The following DNAH7 variants were observed in gnomAD, a reference collection of about 807,000 sequenced individuals.
The protein encoded by DNAH7 is dynein axonemal heavy chain 7.
A neutral mutation model predicts 444.6 loss-of-function variants in DNAH7; 397 were observed. The observed-to-expected ratio is 0.89, with a 90% CI of 0.82 to 0.97. The LOEUF (loss-of-function observed/expected upper bound fraction) is 0.97, where lower values mean the gene tolerates loss of function less well. DNAH7 is among the 50% of genes least tolerant of loss of function. The probability of loss-of-function intolerance (pLI) is 0.00; values close to 1 mark genes in which losing one functional copy is unlikely to be tolerated. For synonymous variants in DNAH7, 1,636 were observed against 1,624.4 expected (o/e 1.01, Z -0.17); for missense variants, 4,902 against 4,800.8 (o/e 1.02, Z -0.62).
intron 57 of DNAH7, among the ~76,000 whole-genome samples, chr2:195,793,297 G>C (rs1434780528): frequency 6.6e-6 from 1 of 152,166 alleles, no homozygotes; most frequent in Non-Finnish European, 1.5e-5. Context: ...CAAATAAAAA[G>C]TTAAAACAAA....
chr2:195,960,518 T>C lies in DNAH7; in HGVS notation c.2633A>G (p.Asp878Gly). ...GTCTATATATGGTTCCAGATTCATG[T>C]CTAAAAAAGAGGAGACTGTGGAGTC... ...SDDSTVSSFL[D>G]MNLEPYIDRF... The change falls in exon 18 of 65, where the codon GAC (aspartate) becomes GGC (glycine). Residue 878 changes from aspartate (D) to glycine (G), a missense_variant. Coordinates refer to ENST00000312428, the MANE Select transcript of DNAH7 (RefSeq NM_018897.3). The C allele has an allele frequency of 6.2e-7, 1 of 1,614,196 alleles. No homozygotes were observed. The highest frequency in any genetic ancestry group is 1.1e-5 in the South Asian group (1 of 91,080).
chr2:196,008,452 T>A (rs1256972875), intron 10 of DNAH7, among the ~76,000 whole-genome samples: 1 of 152,280 alleles, frequency 6.6e-6, no homozygotes, highest in African/African-American at 2.4e-5. Flanking sequence ...AACTTAAAAA[T>A]ATATTTATGC....
Position 195,876,664 on chromosome 2 carries a change from G to A in DNAH7, c.5997C>T (p.Tyr1999=). 1 of 1,605,304 alleles carries A rather than the reference G, an allele frequency of 6.2e-7. No homozygotes were observed. Among genetic ancestry groups the A allele is most frequent in the Non-Finnish European group, 8.5e-7 (1 of 1,172,980 alleles). ...FLLNQLNKEI[Y]KPLLINFSAQ... ...CTGAGAAGTTAATTAGCAGAGGTTT[G>A]TAGATTTCCTTATTTAGTTGATTTA... is the stretch of plus-strand genomic sequence containing the variant. Residue 1999 remains tyrosine (Y), a synonymous_variant, in exon 37 of 65, where the codon TAC becomes TAT. Coordinates refer to ENST00000312428, the MANE Select transcript of DNAH7 (RefSeq NM_018897.3).
chr2:195,949,395 T>G (rs1690058956), intron 19 of DNAH7, among the ~76,000 whole-genome samples: 1 of 152,144 alleles, frequency 6.6e-6, no homozygotes, highest in Admixed American at 6.5e-5. Flanking sequence ...GCAATTCTCC[T>G]GTCTTCGCTT....
In DNAH7 at chr2:195,875,718, A is replaced by C; in HGVS notation, c.6243T>G (p.Ile2081Met). The C allele has an allele frequency of 3.7e-6, 6 of 1,610,100 alleles. No individual in the cohort carries two copies. The highest frequency in any genetic ancestry group is 5.1e-6 in the Non-Finnish European group (6 of 1,178,694). ...NWYDLKDCSM[I>M]KLVDIQIMCA... is the part of the protein sequence containing the mutation. The stretch of plus-strand genomic sequence containing the variant: ...ACATGATCTGAATGTCCACTAGTTT[A>C]ATCATGGAACAATCTTTTAGATCAT... The change falls in exon 38 of 65, where the codon ATT (isoleucine) becomes ATG (methionine). Residue 2081 changes from isoleucine (I) to methionine (M), a missense_variant. Transcript: ENST00000312428.
At chr2:195,987,027 C>T in intron 14 of DNAH7, 39 bp downstream of exon 14, 2 of 1,525,206 alleles carry the variant, frequency 1.3e-6, no homozygotes. Context: ...ATTAAACATC[C>T]CCTCCCAAAA....
chr2:196,044,242 CAT>C (rs1227810157), intron 5 of DNAH7, among the ~76,000 whole-genome samples: 1 of 151,162 alleles, frequency 6.6e-6, no homozygotes. Context: ...TACACACACA[CAT>C]ACACCATGGA....
intron 38 of DNAH7, among the ~76,000 whole-genome samples, chr2:195,874,802 C>T (rs1700947912): frequency 6.6e-6 from 1 of 152,012 alleles, no homozygotes; most frequent in African/African-American, 2.4e-5. Flanking sequence ...ACCTAAGCAA[C>T]AGAGTGAGAC....
intron 12 of DNAH7, chr2:195,994,500 G>A: frequency 2.0e-6 from 1 of 491,182 alleles, no homozygotes; most frequent in Non-Finnish European, 4.0e-6. Flanking sequence ...TGTGTTGGTT[G>A]AATCCAAGTC....
chr2:195,741,570 G>A (rs1353159746), intron 63 of DNAH7, among the ~76,000 whole-genome samples: 3 of 152,192 alleles, frequency 2.0e-5, no homozygotes, highest in Non-Finnish European at 4.4e-5. Flanking sequence ...GTAGACTTTG[G>A]GAAGACCAAA....
intron 40 of DNAH7, among the ~76,000 whole-genome samples, chr2:195,869,537 A>G (rs1197376177): frequency 6.6e-6 from 1 of 152,174 alleles, no homozygotes; most frequent in East Asian, 1.9e-4. Flanking sequence ...AGGACAGGAT[A>G]AGAAAGACTG....
chr2:195,859,953 G>A (rs565736219), intron 42 of DNAH7, among the ~76,000 whole-genome samples: 25 of 152,224 alleles, frequency 1.6e-4, no homozygotes, highest in Non-Finnish European at 3.2e-4. Context: ...GCACTACCTG[G>A]CTGTCGTGAT....
rs1320197332 is a variant in DNAH7 at position 195,858,579 on chromosome 2, T to G, written c.7962A>C (p.Gln2654His). ...CTTTGATGGCTTTGGAAGCCATAGC[T>G]TGTTCATTCGCTATTGTTTCATCAG... ...VKADETIANE[Q>H]AMASKAIKDE... is the part of the protein sequence containing the mutation. The change falls in exon 43 of 65, where the codon CAA (glutamine) becomes CAC (histidine). Residue 2654 changes from glutamine to histidine, a missense_variant. Physicochemically the swap from Gln to His is conservative, Grantham distance 24. Coordinates refer to ENST00000312428, the MANE Select transcript of DNAH7 (RefSeq NM_018897.3). 1 of 1,614,020 alleles carries G rather than the reference T, an allele frequency of 6.2e-7. No homozygotes were observed. The highest frequency in any genetic ancestry group is 1.1e-5 in the South Asian group (1 of 91,088).
intron 5 of DNAH7, among the ~76,000 whole-genome samples, chr2:196,045,112 G>A (rs551509382): frequency 6.6e-6 from 1 of 150,448 alleles, no homozygotes; most frequent in South Asian, 2.1e-4. Context: ...TGAAGGAGGA[G>A]GAGGAGGAGG....
At chr2:195,897,047 G>C (rs1215380959) in intron 29 of DNAH7, among the ~76,000 whole-genome samples, 1 of 152,138 alleles carries the variant, frequency 6.6e-6, no homozygotes, top group South Asian at 2.1e-4. Context: ...GCGTAAGTTA[G>C]TCCAACATCT....
At chr2:195,811,835 G>T (rs1016629928) in intron 51 of DNAH7, among the ~76,000 whole-genome samples, 3 of 152,188 alleles carry the variant, frequency 2.0e-5, no homozygotes, top group Non-Finnish European at 2.9e-5. Context: ...GAGAGTAAGA[G>T]AAATCTGAAA....
chr2:195,912,312 T>C (rs1166186686), intron 24 of DNAH7, among the ~76,000 whole-genome samples: 2 of 152,176 alleles, frequency 1.3e-5, no homozygotes. Flanking sequence ...AACTGAGTGC[T>C]GACTCACAAC....
At chr2:195,829,850 C>T (rs1447510536) in intron 48 of DNAH7, among the ~76,000 whole-genome samples, 1 of 151,738 alleles carries the variant, frequency 6.6e-6, no homozygotes, top group East Asian at 1.9e-4. Context: ...AAGTCTTAAT[C>T]CTGTTAGGAA....
intron 12 of DNAH7, among the ~76,000 whole-genome samples, chr2:195,996,148 A>T: frequency 6.6e-6 from 1 of 151,618 alleles, no homozygotes; most frequent in South Asian, 2.1e-4. Flanking sequence ...CTTTAAACAC[A>T]ATACTTTTTC....
Sources: gnomAD v4.1 joint callset for allele counts (sites outside exome capture counted in the v4.1 genomes callset) on GRCh38, gnomAD v4.1.1 for gene constraint, MANE v1.5 for transcripts, NCBI Gene and HGNC (gene_info 2026-07-23, HGNC 2026-07-21) for gene names.